Variants in HAAO observed in about 807,000 individuals in gnomAD.
HAAO encodes the protein 3-hydroxyanthranilate oxygenase.
In HAAO, 49 loss-of-function variants were observed where a neutral mutation model predicts 46.2. The ratio of observed to expected loss-of-function variants is 1.06; its 90% CI spans 0.84 to 1.34. The LOEUF (loss-of-function observed/expected upper bound fraction) is 1.34. Ranked by LOEUF, HAAO falls within the 40% of genes most tolerant of loss-of-function variation. The pLI, the probability that HAAO is intolerant of heterozygous loss-of-function variation, is 0.00. For synonymous variants in HAAO, 157 were observed against 145.2 expected (o/e 1.08, Z -0.58); for missense variants, 408 against 364.5 (o/e 1.12, Z -0.97).
intron 1 of HAAO, among the ~76,000 whole-genome samples, chr2:42,791,927 T>TGTGTGC (rs1672833141): frequency 1.3e-5 from 2 of 151,228 alleles, no homozygotes; most frequent in Non-Finnish European, 2.9e-5. Context: ...TGGTGTGGTG[T>TGTGTGC]GTGTGTGTGT....
chr2:42,778,044 A>G (rs1378190926), intron 4 of HAAO, among the ~76,000 whole-genome samples: 1 of 152,204 alleles, frequency 6.6e-6, no homozygotes, highest in Non-Finnish European at 1.5e-5. Context: ...TGGTTGTTGA[A>G]GAAGGAGGGA....
At chr2:42,788,932 A>G (rs34238794) in intron 1 of HAAO, 34,644 of 337,522 alleles carry the variant, frequency 0.1, 3,548 homozygotes, top group East Asian at 0.51. Context: ...CTCGAATTAC[A>G]GGAGAGTAGC....
intron 7 of HAAO, among the ~76,000 whole-genome samples, 184 bp from the exon 8 acceptor site, chr2:42,768,112 C>T (rs1670808235): frequency 6.6e-6 from 1 of 152,222 alleles, no homozygotes; most frequent in African/African-American, 2.4e-5. Context: ...GCAGGCCTCC[C>T]TGTGCCCGCC....
chr2:42,785,058 C>T (rs1217336922), intron 2 of HAAO, among the ~76,000 whole-genome samples: 2 of 152,198 alleles, frequency 1.3e-5, no homozygotes, highest in Non-Finnish European at 2.9e-5. Flanking sequence ...GTTAAAAGCC[C>T]TCAGCTCTGC....
chr2:42,771,655 G>A (rs1671132577), intron 4 of HAAO, among the ~76,000 whole-genome samples: 1 of 152,224 alleles, frequency 6.6e-6, no homozygotes, highest in Admixed American at 6.5e-5. Flanking sequence ...TCCTCCCCCG[G>A]CCTGAGGAGC....
intron 2 of HAAO, among the ~76,000 whole-genome samples, chr2:42,786,440 G>A (rs1163212664): frequency 1.3e-5 from 2 of 152,188 alleles, no homozygotes; most frequent in African/African-American, 2.4e-5. Context: ...ACCTGGAAAG[G>A]CCTTTCAGGC....
intron 4 of HAAO, among the ~76,000 whole-genome samples, chr2:42,776,425 A>G (rs904972845): frequency 6.6e-6 from 1 of 151,388 alleles, no homozygotes; most frequent in African/African-American, 2.4e-5. Flanking sequence ...TTTAGTAGAG[A>G]TGGGGTTTCT....
chr2:42,775,450 C>T (rs746648561), intron 4 of HAAO, among the ~76,000 whole-genome samples: 9 of 151,982 alleles, frequency 5.9e-5, no homozygotes, highest in African/African-American at 1.7e-4. Flanking sequence ...AGCTGAAATA[C>T]GGTAATGAGA....
At chr2:42,777,810 T>TA (rs895295222) in intron 4 of HAAO, among the ~76,000 whole-genome samples, 30 of 150,614 alleles carry the variant, frequency 2.0e-4, no homozygotes, top group South Asian at 1.0e-3. Flanking sequence ...ACATTCTTTC[T>TA]AAAAAAAAAG....
intron 4 of HAAO, among the ~76,000 whole-genome samples, chr2:42,779,646 G>A (rs1052976848): frequency 1.3e-5 from 2 of 152,232 alleles, no homozygotes; most frequent in East Asian, 1.9e-4. Context: ...AGAGCTTATT[G>A]TTTGGAACAT....
chr2:42,783,176 GCTGTGAGGCCCTC>G (rs1672138712), intron 4 of HAAO, 125 bp downstream of exon 4: 1 of 616,342 alleles, frequency 1.6e-6, no homozygotes, highest in African/African-American at 1.8e-5. Flanking sequence ...CACTGCCTCT[GCTGTGAGGCCCTC>G]CTGCCCACTC....
chr2:42,773,133 C>T (rs1313995729), intron 4 of HAAO, among the ~76,000 whole-genome samples: 1 of 152,232 alleles, frequency 6.6e-6, no homozygotes, highest in Admixed American at 6.5e-5. Context: ...GACTCCCACT[C>T]CTCTCTATAC....
chr2:42,773,648 G>A (rs554273643), intron 4 of HAAO, among the ~76,000 whole-genome samples: 2 of 147,616 alleles, frequency 1.4e-5, no homozygotes, highest in Admixed American at 6.9e-5. Flanking sequence ...GCGCACTGGC[G>A]CGATCTTGGC....
chr2:42,772,480 C>CAAAAAAAA, intron 4 of HAAO, among the ~76,000 whole-genome samples: 1 of 119,402 alleles, frequency 8.4e-6, no homozygotes. Flanking sequence ...GACTCCATCT[C>CAAAAAAAA]AAAAAAAAAA....
intron 2 of HAAO, 136 bp downstream of exon 2, chr2:42,788,393 C>T: frequency 2.9e-6 from 2 of 683,040 alleles, no homozygotes; most frequent in Non-Finnish European, 2.7e-6. Context: ...TTCAGCTGTG[C>T]CCCCTCCACT....
At chr2:42,767,712 T>G in intron 8 of HAAO, 35 bp from the exon 9 acceptor site, 1 of 1,558,130 alleles carries the variant, frequency 6.4e-7, no homozygotes, top group Admixed American at 1.8e-5. Flanking sequence ...AAATGGAGAC[T>G]GTTGGGCCTC....
Position 42,770,541 on chromosome 2 carries a change from C to A in HAAO, c.392G>T (p.Trp131Leu). ...GDTMDVLFEKWFYCKDLGTQL... is the reference protein window; with the variant it reads ...GDTMDVLFEKLFYCKDLGTQL... ...CGTGCCGAGGTCCTTGCAGTAGAAC[C>A]ACTTCTCAAACAGAACGTCCATGGT... is the stretch of plus-strand genomic sequence containing the variant. Residue 131 changes from tryptophan (W) to leucine (L), a missense_variant, in exon 5 of 10, where the codon TGG becomes TTG. Transcript: ENST00000294973. The A allele has an allele frequency of 6.4e-7, 1 of 1,553,516 alleles. No individual in the cohort carries two copies. Among genetic ancestry groups the A allele is most frequent in the Non-Finnish European group, 8.7e-7 (1 of 1,147,920 alleles).
intron 2 of HAAO, 31 bp downstream of exon 2, chr2:42,788,498 G>A (rs542857155): frequency 7.0e-7 from 1 of 1,423,120 alleles, no homozygotes; most frequent in Non-Finnish European, 9.9e-7. Flanking sequence ...TTGCCCGCAG[G>A]CCTAGATCCA....
chr2:42,788,677 G>A (rs1165210873), intron 1 of HAAO, 70 bp from the exon 2 acceptor site: 12 of 983,864 alleles, frequency 1.2e-5, no homozygotes, highest in Non-Finnish European at 2.0e-5. Flanking sequence ...GGGTCCCGTG[G>A]GGGCCAGGAG....
Sources: allele counts gnomAD v4.1 joint callset (sites outside exome capture counted in the v4.1 genomes callset), GRCh38; gene constraint gnomAD v4.1.1; transcripts MANE v1.5; gene names NCBI Gene and HGNC (gene_info 2026-07-23, HGNC 2026-07-21).